MYCBP2: variants seen among roughly 807,000 people sequenced by gnomAD.
MYCBP2 encodes E3 ubiquitin-protein ligase MYCBP2.
Under a neutral mutation model 525.3 loss-of-function variants are expected in MYCBP2, and 120 were observed. The observed-to-expected ratio is 0.23, with a 90% CI of 0.20 to 0.27. The LOEUF is 0.27. Ranked by LOEUF, MYCBP2 falls within the 10% of genes least tolerant of loss-of-function variation. The pLI, the probability that MYCBP2 is intolerant of heterozygous loss-of-function variation, is 1.00. For missense variants in MYCBP2, 4,149 were observed against 5,657.1 expected (o/e 0.73, Z 8.55); for synonymous variants, 1,894 against 1,955.8 (o/e 0.97, Z 0.83).
intron 21 of MYCBP2, among the ~76,000 whole-genome samples, chr13:77,217,054 G>C (rs1435474018): frequency 6.6e-6 from 1 of 152,148 alleles, no homozygotes; most frequent in Non-Finnish European, 1.5e-5. Context: ...AGGTGAATCT[G>C]GTTAAAGACA....
intron 1 of MYCBP2, among the ~76,000 whole-genome samples, chr13:77,311,277 C>T (rs937103281): frequency 6.6e-6 from 1 of 152,132 alleles, no homozygotes; most frequent in Non-Finnish European, 1.5e-5. Flanking sequence ...CAACAAAAAA[C>T]ACAACATCCT....
chr13:77,206,058 T>C (rs909069202), intron 24 of MYCBP2, among the ~76,000 whole-genome samples: 7 of 152,148 alleles, frequency 4.6e-5, no homozygotes, highest in Admixed American at 3.9e-4. Flanking sequence ...AGGAATATGA[T>C]TTCACACCTG....
At chr13:77,071,271 GCACACACACA>G (rs71814048) in intron 68 of MYCBP2, among the ~76,000 whole-genome samples, 31 of 142,736 alleles carry the variant, frequency 2.2e-4, no homozygotes, top group Middle Eastern at 3.5e-3. Flanking sequence ...GTGTGCACAC[GCACACACACA>G]CACACACACA....
chr13:77,269,944 T>G, intron 7 of MYCBP2, 48 bp downstream of exon 7: 2 of 1,337,740 alleles, frequency 1.5e-6, no homozygotes, highest in Non-Finnish European at 2.1e-6. Flanking sequence ...ACAAATCACA[T>G]GTTGTAAAAG....
intron 41 of MYCBP2, 21 bp downstream of exon 41, chr13:77,166,308 C>T: frequency 3.9e-6 from 6 of 1,523,814 alleles, no homozygotes; most frequent in Non-Finnish European, 5.4e-6. Flanking sequence ...CCACATAAAA[C>T]AGAAGAAAAA....
chr13:77,121,985 ACTT>A (rs2050788819), intron 54 of MYCBP2, among the ~76,000 whole-genome samples: 1 of 152,064 alleles, frequency 6.6e-6, no homozygotes, highest in Admixed American at 6.6e-5. Flanking sequence ...ATTATGGAAA[ACTT>A]AACTTTTAAC....
chr13:77,174,605 A>T, intron 36 of MYCBP2, 116 bp from the exon 37 acceptor site: 1 of 735,638 alleles, frequency 1.4e-6, no homozygotes, highest in Non-Finnish European at 2.2e-6. Context: ...TTTACAGATG[A>T]TATAATTAAA....
intron 24 of MYCBP2, among the ~76,000 whole-genome samples, chr13:77,206,442 A>T (rs1231244955): frequency 6.6e-6 from 1 of 152,008 alleles, no homozygotes; most frequent in African/African-American, 2.4e-5. Flanking sequence ...AAAATTAAAT[A>T]ATTGGGCATA....
rs577564050 is a variant in MYCBP2, at chr13:77,255,310, TCTTA to T, written c.2176+2357_2176+2360del. Among the ~76,000 whole-genome samples, 10 of 152,056 alleles carry T rather than the reference TCTTA, an allele frequency of 6.6e-5. No homozygotes were observed. In the South Asian group the frequency reaches 1.7e-3, roughly 25 times the overall value. The stretch of plus-strand genomic sequence containing the variant: ...CTGCAATCAGTATGCACTGTATGTG[TCTTA>T]CTTTACTCATCTGCTTTCTAATTCA... On this transcript the variant is annotated intron_variant, in intron 14 of 82. Coordinates refer to ENST00000544440, the MANE Select transcript of MYCBP2 (RefSeq NM_015057.5).
intron 55 of MYCBP2, among the ~76,000 whole-genome samples, chr13:77,119,540 T>C (rs1478432337): frequency 6.6e-6 from 1 of 152,070 alleles, no homozygotes; most frequent in East Asian, 1.9e-4. Flanking sequence ...AATACTGTTT[T>C]AAGAAAAAAA....
chr13:77,320,650 A>G (rs1247552294), intron 1 of MYCBP2, among the ~76,000 whole-genome samples: 9 of 152,192 alleles, frequency 5.9e-5, no homozygotes, highest in Non-Finnish European at 1.3e-4. Flanking sequence ...ACATTTACAG[A>G]GATGAAATCT....
At chr13:77,206,949 G>T in intron 23 of MYCBP2, 124 bp from the exon 24 acceptor site, 1 of 750,102 alleles carries the variant, frequency 1.3e-6, no homozygotes, top group Non-Finnish European at 1.9e-6. Flanking sequence ...GACAAATGTA[G>T]CTCATTATCT....
Position 77,308,152 on chromosome 13 carries a change from T to C in MYCBP2, c.303-11478A>G, listed in dbSNP as rs1375198507. Among the ~76,000 whole-genome samples the C allele has an allele frequency of 3.9e-5, 6 of 152,292 alleles. No individual in the cohort carries two copies. In the East Asian group the frequency reaches 1.2e-3, roughly 29 times the overall value. On this transcript the variant is annotated intron_variant, in intron 1 of 82. Coordinates refer to ENST00000544440, the MANE Select transcript of MYCBP2 (RefSeq NM_015057.5). ...ACATCTACCATAAAAATCTAGAACC[T>C]TTCCAGCTACTTCAAAATCCCTCCC...
At position 77,243,375 on chromosome 13, in the gene MYCBP2, G is replaced by A. The variant is rs147806803; in HGVS notation, c.2528-215C>T. Among the ~76,000 whole-genome samples, 28 of 152,276 alleles carry A rather than the reference G, an allele frequency of 1.8e-4. No individual in the cohort carries two copies. In the East Asian group the frequency reaches 5.4e-3, roughly 29 times the overall value. ...CACCTGTAATCCCAGCACTTTGGGA[G>A]GCCAAGGTGGGCAGATCACCTGAGG... On this transcript the variant is annotated intron_variant, in intron 16 of 82. Coordinates refer to ENST00000544440, the MANE Select transcript of MYCBP2 (RefSeq NM_015057.5).
intron 7 of MYCBP2, among the ~76,000 whole-genome samples, chr13:77,268,508 G>A (rs577458804): frequency 3.9e-4 from 60 of 152,158 alleles, no homozygotes; most frequent in Non-Finnish European, 7.8e-4. Context: ...GGCTGGGGGC[G>A]GTGGCTCACG....
At chr13:77,242,932 G>T in intron 17 of MYCBP2, 127 bp downstream of exon 17, 1 of 738,294 alleles carries the variant, frequency 1.4e-6, no homozygotes, top group Non-Finnish European at 2.3e-6. Context: ...TGAGTTATCA[G>T]AATATTGCTA....
At chr13:77,068,898 C>A in intron 69 of MYCBP2, 67 bp from the exon 70 acceptor site, 1 of 1,454,472 alleles carries the variant, frequency 6.9e-7, no homozygotes, top group Non-Finnish European at 9.4e-7. Context: ...CCTAGCAAAA[C>A]AAGCAAACAA....
In MYCBP2 at chr13:77,176,629, C is replaced by CA; in HGVS notation, c.5341-2_5341-1insT. ...GAGTTGAATCTCCTGCATGTTCACTCTAAAAAAAAAAAATGAAACACAAAA... is the reference window on the plus strand; with the variant it reads ...GAGTTGAATCTCCTGCATGTTCACTCATAAAAAAAAAAAATGAAACACAAAA... On this transcript the variant is annotated splice_acceptor_variant, in intron 35 of 82. Coordinates refer to ENST00000544440, the MANE Select transcript of MYCBP2 (RefSeq NM_015057.5). LOFTEE classifies it high-confidence loss of function. 1 of 1,501,376 alleles carries CA rather than the reference C, an allele frequency of 6.7e-7. No individual in the cohort carries two copies. Among genetic ancestry groups the CA allele is most frequent in the African/African-American group, 1.4e-5 (1 of 71,256 alleles). The allele number at this position is 1,501,376 out of a possible 1,614,324, so 93.0% of individuals were successfully genotyped here. A position where few individuals can be genotyped will look rare whatever the true frequency, so the allele number is the denominator to read the frequency against.
At chr13:77,186,816 T>C (rs1036140237) in intron 30 of MYCBP2, among the ~76,000 whole-genome samples, 1 of 149,314 alleles carries the variant, frequency 6.7e-6, no homozygotes, top group African/African-American at 2.5e-5. Context: ...TTTTTTTTTT[T>C]TTTTTTTGAG....
Sources: gnomAD v4.1 joint callset for allele counts (sites outside exome capture counted in the v4.1 genomes callset) on GRCh38, gnomAD v4.1.1 for gene constraint, MANE v1.5 for transcripts, NCBI Gene and HGNC (gene_info 2026-07-23, HGNC 2026-07-21) for gene names.